Variants in RAC1 observed in about 807,000 individuals in gnomAD.
RAC1 encodes ras-related C3 botulinum toxin substrate 1.
A neutral mutation model predicts 25.2 loss-of-function variants in RAC1; 2 were observed. The ratio of observed to expected loss-of-function variants is 0.08; its 90% confidence interval spans 0.03 to 0.25. RAC1 has a LOEUF of 0.25. Ranked by LOEUF, RAC1 falls within the 10% of genes least tolerant of loss-of-function variation. The pLI, the probability that RAC1 is intolerant of heterozygous loss-of-function variation, is 1.00. For synonymous variants in RAC1, 88 were observed against 94.0 expected, an observed-to-expected ratio of 0.94 and a Z score of 0.37; for missense variants, 50 against 235.7, an observed-to-expected ratio of 0.21 and a Z score of 5.16.
chr7:6,392,245 C>A (rs1783109809), intron 3 of RAC1, among the ~76,000 whole-genome samples: 1 of 152,076 alleles, frequency 6.6e-6, no homozygotes, highest in South Asian at 2.1e-4. Flanking sequence ...ACCAGCTGTT[C>A]CATTGTTGGG....
chr7:6,375,732 G>T (rs1782564717), intron 1 of RAC1: 1 of 151,446 alleles, frequency 6.6e-6, no homozygotes, highest in Non-Finnish European at 1.5e-5. Flanking sequence ...TGCTTAACGC[G>T]TTAGGTATGG....
chr7:6,378,082 G>T (rs1782655646), intron 1 of RAC1, among the ~76,000 whole-genome samples: 1 of 152,034 alleles, frequency 6.6e-6, no homozygotes, highest in Non-Finnish European at 1.5e-5. Flanking sequence ...CCTAGGGATG[G>T]TTCTGTCTTA....
intron 1 of RAC1, among the ~76,000 whole-genome samples, chr7:6,378,045 G>A (rs555814266): frequency 6.6e-6 from 1 of 152,188 alleles, no homozygotes; most frequent in South Asian, 2.1e-4. Context: ...GGCTCTTAAG[G>A]AAACTCCTGC....
intron 3 of RAC1, among the ~76,000 whole-genome samples, chr7:6,397,234 C>CTT (rs79237498): frequency 3.2e-5 from 4 of 126,844 alleles, no homozygotes; most frequent in Non-Finnish European, 6.3e-5. Flanking sequence ...GAGCGAGACT[C>CTT]TGTCTCAAAA....
chr7:6,381,672 G>A (rs752204837), intron 1 of RAC1, among the ~76,000 whole-genome samples: 21 of 152,134 alleles, frequency 1.4e-4, no homozygotes, highest in Non-Finnish European at 2.1e-4. Flanking sequence ...TAGGATTACA[G>A]GCATGAGCCA....
chr7:6,387,702 G>T (rs1327513319), intron 2 of RAC1, among the ~76,000 whole-genome samples: 1 of 151,606 alleles, frequency 6.6e-6, no homozygotes, highest in African/African-American at 2.4e-5. Context: ...TCCAGCCTGG[G>T]CAATGAGAGC....
intron 2 of RAC1, among the ~76,000 whole-genome samples, chr7:6,388,336 TG>T: frequency 6.7e-6 from 1 of 148,574 alleles, no homozygotes; most frequent in African/African-American, 2.4e-5. Flanking sequence ...TTGTTGTTGT[TG>T]TTGTTTTCCT....
chr7:6,401,414 C>A (rs1209414902), intron 4 of RAC1, among the ~76,000 whole-genome samples: 2 of 152,088 alleles, frequency 1.3e-5, no homozygotes, highest in African/African-American at 2.4e-5. Flanking sequence ...CAAGTGAGGC[C>A]CTTCAGTAGG....
At chr7:6,375,226 G>T (rs1409087842) in intron 1 of RAC1, among the ~76,000 whole-genome samples, 1 of 151,986 alleles carries the variant, frequency 6.6e-6, no homozygotes, top group Non-Finnish European at 1.5e-5. Flanking sequence ...TGATTGTACG[G>T]GCCGCTTTGG....
chr7:6,379,335 T>G (rs1212097358), intron 1 of RAC1, among the ~76,000 whole-genome samples: 2 of 143,334 alleles, frequency 1.4e-5, no homozygotes, highest in African/African-American at 5.2e-5. Flanking sequence ...AGTGCAGTGG[T>G]GCGATCTCGG....
intron 3 of RAC1, among the ~76,000 whole-genome samples, chr7:6,396,398 G>GTT (rs1783235661): frequency 6.6e-6 from 1 of 152,176 alleles, no homozygotes; most frequent in Non-Finnish European, 1.5e-5. Context: ...ACTAGACAGG[G>GTT]TTTTGGGAAG....
intron 3 of RAC1, among the ~76,000 whole-genome samples, chr7:6,392,471 C>G (rs1783115281): frequency 6.6e-6 from 1 of 152,144 alleles, no homozygotes; most frequent in East Asian, 1.9e-4. Context: ...CCACAAAATA[C>G]ATAATTTGTA....
chr7:6,381,085 C>T (rs1277591086), intron 1 of RAC1, among the ~76,000 whole-genome samples: 2 of 152,162 alleles, frequency 1.3e-5, no homozygotes, highest in Non-Finnish European at 2.9e-5. Context: ...CCAGGCTGGT[C>T]TGGAACTCCT....
chr7:6,383,878 C>T (rs1562463089), intron 1 of RAC1, among the ~76,000 whole-genome samples: 1 of 134,036 alleles, frequency 7.5e-6, no homozygotes, highest in African/African-American at 2.8e-5. Context: ...TCTCGGCTCA[C>T]TGCAACTTCC....
intron 3 of RAC1, among the ~76,000 whole-genome samples, chr7:6,399,046 A>G (rs1783326640): frequency 6.6e-6 from 1 of 152,196 alleles, no homozygotes; most frequent in African/African-American, 2.4e-5. Flanking sequence ...GAGCCGGAGC[A>G]GGACTAACCT....
rs34337775 is a variant in RAC1 at position 6,395,430 on chromosome 7, C to T, written c.225+3389C>T. The stretch of plus-strand genomic sequence containing the variant: ...AGCACCAGGCACACACATGTGGTTC[C>T]GCAGAACTAGAGTTGTTACTCTTCG... On this transcript the variant is annotated intron_variant, in intron 3 of 5. Transcript: ENST00000348035. Among the ~76,000 whole-genome samples, 544 of 152,300 alleles carry T rather than the reference C, an allele frequency of 3.6e-3. 16 individuals are homozygous for T. Among genetic ancestry groups the T allele is most frequent in the Admixed American group, 0.033 (511 of 15,292 alleles).
At chr7:6,398,329 G>A (rs1057286636) in intron 3 of RAC1, among the ~76,000 whole-genome samples, 1 of 152,164 alleles carries the variant, frequency 6.6e-6, no homozygotes. Context: ...CTGCCTTTGC[G>A]GTAAGGGACA....
intron 2 of RAC1, among the ~76,000 whole-genome samples, chr7:6,389,107 C>T (rs1783008410): frequency 6.6e-6 from 1 of 151,450 alleles, no homozygotes; most frequent in African/African-American, 2.4e-5. Flanking sequence ...GAGGCTGAGG[C>T]ATGAGAATTG....
rs904687598 is a variant in RAC1 at position 6,381,839 on chromosome 7, C to G, written c.36-5373C>G. Among the ~76,000 whole-genome samples, 7 of 152,264 alleles carry G rather than the reference C, an allele frequency of 4.6e-5. No homozygotes were observed. The South Asian group carries it at 1.0e-3, about 23-fold the overall frequency. On this transcript the variant is annotated intron_variant, in intron 1 of 5. Coordinates refer to ENST00000348035, the MANE Select transcript of RAC1 (RefSeq NM_006908.5). ...ACAGATTTTATCTGCATAGTTAACG[C>G]AGTTATATATAAGGCCTACCGTTAC...
Sources: allele counts gnomAD v4.1 joint callset (sites outside exome capture counted in the v4.1 genomes callset), GRCh38; gene constraint gnomAD v4.1.1; transcripts MANE v1.5; gene names NCBI Gene and HGNC (gene_info 2026-07-23, HGNC 2026-07-21).